Variants in CNTNAP2 observed in about 807,000 individuals in gnomAD.
CNTNAP2 encodes contactin-associated protein-like 2.
Under a neutral mutation model 155.2 loss-of-function variants are expected in CNTNAP2, and 98 were observed. That is an observed-to-expected ratio of 0.63 (90% CI 0.54 to 0.75). The LOEUF is 0.75. Ranked by LOEUF, CNTNAP2 falls within the 30% of genes least tolerant of loss-of-function variation. CNTNAP2 has a pLI of 0.00. For synonymous variants in CNTNAP2, 651 were observed against 631.2 expected (o/e 1.03, Z -0.47); for missense variants, 1,727 against 1,688.1 (o/e 1.02, Z -0.40).
intron 12 of CNTNAP2, among the ~76,000 whole-genome samples, chr7:147,576,177 T>C (rs1468606067): frequency 6.6e-6 from 1 of 152,050 alleles, no homozygotes; most frequent in Non-Finnish European, 1.5e-5. Context: ...ATGTCTGTCT[T>C]GTTTACTACT....
intron 8 of CNTNAP2, among the ~76,000 whole-genome samples, chr7:147,250,632 T>G (rs1804177255): frequency 6.8e-6 from 1 of 146,010 alleles, no homozygotes; most frequent in Non-Finnish European, 1.5e-5. Context: ...AGCTTTGGAG[T>G]TTGGAGGAGA....
At chr7:147,255,504 G>A (rs1584823096) in intron 8 of CNTNAP2, among the ~76,000 whole-genome samples, 1 of 151,680 alleles carries the variant, frequency 6.6e-6, no homozygotes, top group Admixed American at 6.6e-5. Context: ...TTACAGGTGT[G>A]AGCCACCATG....
intron 13 of CNTNAP2, among the ~76,000 whole-genome samples, chr7:147,680,034 C>T (rs554089860): frequency 9.6e-4 from 146 of 151,496 alleles, no homozygotes; most frequent in African/African-American, 3.3e-3. Flanking sequence ...TTGCCTTAAA[C>T]TGTGATCTGT....
At chr7:148,410,253 T>G (rs371232631) in intron 23 of CNTNAP2, among the ~76,000 whole-genome samples, 5 of 144,164 alleles carry the variant, frequency 3.5e-5, no homozygotes, top group African/African-American at 1.1e-4. Flanking sequence ...TCCAAAATGG[T>G]CCAGGATAGC....
At chr7:146,330,585 C>G (rs1031040506) in intron 1 of CNTNAP2, among the ~76,000 whole-genome samples, 1 of 152,110 alleles carries the variant, frequency 6.6e-6, no homozygotes, top group Admixed American at 6.6e-5. Context: ...TTAAAGTGCT[C>G]AAGAAAAGCC....
intron 15 of CNTNAP2, among the ~76,000 whole-genome samples, chr7:148,030,821 A>C: frequency 6.6e-6 from 1 of 152,182 alleles, no homozygotes; most frequent in South Asian, 2.1e-4. Context: ...AAAGAATATC[A>C]AGGGAACCAT....
intron 15 of CNTNAP2, among the ~76,000 whole-genome samples, chr7:148,093,635 T>C (rs1488457662): frequency 6.6e-6 from 1 of 152,204 alleles, no homozygotes; most frequent in Non-Finnish European, 1.5e-5. Flanking sequence ...CAATGACAAA[T>C]TCACCCTGAC....
chr7:148,147,947 A>G (rs147383409), intron 17 of CNTNAP2, among the ~76,000 whole-genome samples: 297 of 152,250 alleles, frequency 2.0e-3, no homozygotes, highest in African/African-American at 6.5e-3. Context: ...CTATAAAATC[A>G]GAGTGCAGGC....
At chr7:146,165,312 G>C (rs774276742) in intron 1 of CNTNAP2, among the ~76,000 whole-genome samples, 1 of 152,086 alleles carries the variant, frequency 6.6e-6, no homozygotes, top group Non-Finnish European at 1.5e-5. Flanking sequence ...ATTAAAATTA[G>C]TTATGATAAT....
At chr7:148,148,014 G>A (rs1379781135) in intron 17 of CNTNAP2, among the ~76,000 whole-genome samples, 1 of 147,148 alleles carries the variant, frequency 6.8e-6, no homozygotes, top group Admixed American at 6.8e-5. Context: ...GGTTTTAGAA[G>A]TGTATAAAGT....
At chr7:146,664,257 G>T (rs1800148649) in intron 1 of CNTNAP2, among the ~76,000 whole-genome samples, 2 of 146,686 alleles carry the variant, frequency 1.4e-5, no homozygotes, top group Admixed American at 6.9e-5. Context: ...CGCCTCCGGA[G>T]TTCAAGTGAT....
intron 3 of CNTNAP2, among the ~76,000 whole-genome samples, chr7:147,039,429 T>C (rs1352576633): frequency 1.3e-5 from 2 of 152,222 alleles, no homozygotes; most frequent in Non-Finnish European, 2.9e-5. Context: ...TTAGTTCTCA[T>C]CATTTAGCTC....
chr7:148,412,818 C>T (rs772745727), intron 23 of CNTNAP2, among the ~76,000 whole-genome samples: 5 of 152,202 alleles, frequency 3.3e-5, no homozygotes, highest in East Asian at 1.9e-4. Flanking sequence ...GGATATTGGC[C>T]GTAGGTTTCC....
chr7:148,269,190 A>G (rs1379644059), intron 21 of CNTNAP2, among the ~76,000 whole-genome samples: 1 of 152,218 alleles, frequency 6.6e-6, no homozygotes, highest in African/African-American at 2.4e-5. Context: ...CAAGTGATAA[A>G]TCAAAGGGTG....
At chr7:148,382,129 A>G (rs917641238) in intron 21 of CNTNAP2, among the ~76,000 whole-genome samples, 1 of 152,254 alleles carries the variant, frequency 6.6e-6, no homozygotes, top group African/African-American at 2.4e-5. Flanking sequence ...GAAAAGTGAG[A>G]GCAGGCCATT....
intron 2 of CNTNAP2, among the ~76,000 whole-genome samples, chr7:146,823,277 A>T (rs1285001903): frequency 6.7e-6 from 1 of 149,978 alleles, no homozygotes; most frequent in Non-Finnish European, 1.5e-5. Context: ...GTATAATTAC[A>T]TGTAAATATA....
chr7:147,651,670 A>G (rs532659938), intron 13 of CNTNAP2, among the ~76,000 whole-genome samples: 1 of 152,336 alleles, frequency 6.6e-6, no homozygotes, highest in East Asian at 1.9e-4. Context: ...TCAAATTGCC[A>G]AACAAAGTTA....
rs1011180095 is a variant in CNTNAP2, at chr7:146,676,645, A to C, written c.98-97626A>C. On this transcript the variant is annotated intron_variant, in intron 1 of 23. Transcript: ENST00000361727. ...AGAATGGGTATTTATAAAGAAAAAGAGATTTAATGGACTCTCAGTTCTACA... is the reference window on the plus strand; with the variant it reads ...AGAATGGGTATTTATAAAGAAAAAGCGATTTAATGGACTCTCAGTTCTACA... Among the ~76,000 whole-genome samples, 18 of 152,290 alleles carry C rather than the reference A, an allele frequency of 1.2e-4. 1 individual carries two copies. The highest frequency in any genetic ancestry group is 3.9e-4 in the East Asian group (2 of 5,174).
intron 2 of CNTNAP2, among the ~76,000 whole-genome samples, chr7:146,797,128 T>G (rs939414175): frequency 2.0e-5 from 3 of 152,040 alleles, no homozygotes; most frequent in Non-Finnish European, 4.4e-5. Context: ...AGAGCGAGAC[T>G]CCATCTAGAA....
Sources: allele counts gnomAD v4.1 joint callset (sites outside exome capture counted in the v4.1 genomes callset), GRCh38; gene constraint gnomAD v4.1.1; transcripts MANE v1.5; gene names NCBI Gene and HGNC (gene_info 2026-07-23, HGNC 2026-07-21).